FAT3: variants seen among roughly 807,000 people sequenced by gnomAD.
The protein encoded by FAT3 is protocadherin Fat 3.
Under a neutral mutation model 310.2 loss-of-function variants are expected in FAT3, and 95 were observed. The observed-to-expected ratio is 0.31, with a 90% confidence interval of 0.26 to 0.36. The LOEUF is 0.36. FAT3 is among the 10% of genes least tolerant of loss of function. The pLI is 1.00. For synonymous variants in FAT3, 2,314 were observed against 2,192.9 expected (o/e 1.06, Z -1.54); for missense variants, 5,408 against 5,715.6 (o/e 0.95, Z 1.74).
intron 4 of FAT3, among the ~76,000 whole-genome samples, chr11:92,752,857 G>A (rs1433983799): frequency 1.3e-5 from 2 of 152,088 alleles, no homozygotes; most frequent in Non-Finnish European, 2.9e-5. Flanking sequence ...CCTGGCCATC[G>A]TATTTTAAGA....
intron 2 of FAT3, among the ~76,000 whole-genome samples, chr11:92,454,251 GT>G (rs1951440879): frequency 1.3e-5 from 2 of 152,124 alleles, no homozygotes; most frequent in African/African-American, 4.8e-5. Flanking sequence ...GATGATGCAG[GT>G]CCAGAGTAAG....
At chr11:92,827,930 G>C (rs564918163) in intron 13 of FAT3, among the ~76,000 whole-genome samples, 1 of 152,234 alleles carries the variant, frequency 6.6e-6, no homozygotes, top group East Asian at 1.9e-4. Context: ...ACTTCTCTTG[G>C]TAACCTGGCA....
rs564964228 is a variant in FAT3 at position 92,333,533 on chromosome 11, A to G, written c.-17-18563A>G. 2.0e-3 allele frequency among the ~76,000 whole-genome samples: 304 copies of G among 152,180 alleles called. 1 individual carries two copies. The highest frequency in any genetic ancestry group is 6.7e-3 in the African/African-American group (277 of 41,512). ...CACCTTGCCTTCTTCTCTTCTCTAT[A>G]CAAGTGTGTTTTCTCTCAGAATCCC... On this transcript the variant is annotated intron_variant, in intron 1 of 27. Coordinates refer to ENST00000525166, the MANE Select transcript of FAT3 (RefSeq NM_001367949.2).
At chr11:92,568,602 A>G (rs557378212) in intron 3 of FAT3, among the ~76,000 whole-genome samples, 12 of 152,288 alleles carry the variant, frequency 7.9e-5, no homozygotes, top group Non-Finnish European at 1.8e-4. Flanking sequence ...TAGTCCTTCA[A>G]ACCCTTGAAT....
At chr11:92,756,364 A>T (rs1945991169) in intron 4 of FAT3, among the ~76,000 whole-genome samples, 1 of 152,262 alleles carries the variant, frequency 6.6e-6, no homozygotes, top group Non-Finnish European at 1.5e-5. Context: ...GTCTCACAAA[A>T]TAGCTTATTG....
chr11:92,329,382 T>C (rs1213701216), intron 1 of FAT3, among the ~76,000 whole-genome samples: 1 of 152,048 alleles, frequency 6.6e-6, no homozygotes, highest in African/African-American at 2.4e-5. Context: ...TCTTGCTTCC[T>C]CTCCTGCCAC....
intron 9 of FAT3, 59 bp downstream of exon 9, chr11:92,793,036 GTATTTA>G: frequency 5.2e-6 from 8 of 1,524,620 alleles, no homozygotes; most frequent in Non-Finnish European, 6.3e-6. Context: ...ACCCTCAGTA[GTATTTA>G]TCACCATGTA....
chr11:92,302,836 G>A (rs1367277806), intron 1 of FAT3, among the ~76,000 whole-genome samples: 1 of 152,120 alleles, frequency 6.6e-6, no homozygotes, highest in Non-Finnish European at 1.5e-5. Flanking sequence ...TTTCATGTAT[G>A]TGGGTTTAGT....
intron 3 of FAT3, among the ~76,000 whole-genome samples, chr11:92,619,295 A>G (rs904609504): frequency 1.3e-5 from 2 of 152,152 alleles, no homozygotes; most frequent in Non-Finnish European, 2.9e-5. Flanking sequence ...ACTTTTGCAT[A>G]TATATTCATA....
chr11:92,567,042 C>G (rs1211129375), intron 3 of FAT3, among the ~76,000 whole-genome samples: 5 of 152,136 alleles, frequency 3.3e-5, no homozygotes, highest in Admixed American at 1.3e-4. Context: ...CAAATGGGAT[C>G]TAATTAAACT....
chr11:92,840,870 A>G (rs1948528525), intron 18 of FAT3, 111 bp downstream of exon 18: 1 of 1,003,926 alleles, frequency 1.0e-6, no homozygotes, highest in South Asian at 2.4e-5. Context: ...ATTCATTACC[A>G]TGCGGGAATG....
intron 1 of FAT3, among the ~76,000 whole-genome samples, chr11:92,318,117 A>G (rs1947514326): frequency 6.6e-6 from 1 of 152,088 alleles, no homozygotes; most frequent in African/African-American, 2.4e-5. Context: ...TGTAGAGGAG[A>G]CACCATATCA....
chr11:92,394,183 T>A (rs185641270), intron 2 of FAT3, among the ~76,000 whole-genome samples: 151 of 152,252 alleles, frequency 9.9e-4, no homozygotes, highest in Non-Finnish European at 1.6e-3. Context: ...AAATTAAAAC[T>A]TTTTAGGTCT....
intron 13 of FAT3, among the ~76,000 whole-genome samples, chr11:92,823,554 T>C (rs1407533756): frequency 6.6e-6 from 1 of 152,164 alleles, no homozygotes; most frequent in Non-Finnish European, 1.5e-5. Flanking sequence ...CAAGAGTCCC[T>C]GTATTTTTAT....
intron 3 of FAT3, among the ~76,000 whole-genome samples, chr11:92,642,247 C>T (rs1296455656): frequency 6.6e-6 from 1 of 152,224 alleles, no homozygotes; most frequent in Non-Finnish European, 1.5e-5. Context: ...TCACCCTGTG[C>T]TGTGATTGCC....
intron 3 of FAT3, among the ~76,000 whole-genome samples, chr11:92,609,677 A>C (rs1940472272): frequency 6.6e-6 from 1 of 152,210 alleles, no homozygotes; most frequent in African/African-American, 2.4e-5. Context: ...TCAACCTGCA[A>C]ATAAAATAAT....
intron 4 of FAT3, among the ~76,000 whole-genome samples, chr11:92,755,828 T>A (rs946968065): frequency 6.6e-6 from 1 of 152,150 alleles, no homozygotes. Flanking sequence ...TCATGGGGGA[T>A]TGTGAATTTG....
chr11:92,474,680 C>T (rs1952002932), intron 2 of FAT3, among the ~76,000 whole-genome samples: 1 of 152,092 alleles, frequency 6.6e-6, no homozygotes, highest in African/African-American at 2.4e-5. Context: ...CCTGGGAAAG[C>T]TCCCTGGAGA....
intron 4 of FAT3, among the ~76,000 whole-genome samples, chr11:92,759,385 T>G (rs1422287083): frequency 6.6e-6 from 1 of 152,198 alleles, no homozygotes; most frequent in Non-Finnish European, 1.5e-5. Flanking sequence ...ATTTAATTAA[T>G]TTCCACAATG....
Sources: allele counts gnomAD v4.1 joint callset (sites outside exome capture counted in the v4.1 genomes callset), GRCh38; gene constraint gnomAD v4.1.1; transcripts MANE v1.5; gene names NCBI Gene and HGNC (gene_info 2026-07-23, HGNC 2026-07-21).